The following CES1 variants were observed in gnomAD, a reference collection of about 807,000 sequenced individuals.
The protein encoded by CES1 is liver carboxylesterase 1.
In CES1, 50 loss-of-function variants were observed where a neutral mutation model predicts 53.0. The observed-to-expected ratio is 0.94, with a 90% CI of 0.75 to 1.19. The LOEUF (loss-of-function observed/expected upper bound fraction) is 1.19, where lower values mean the gene tolerates loss of function less well. CES1 is among the 50% of genes most tolerant of loss of function. The pLI, the probability that CES1 is intolerant of heterozygous loss-of-function variation, is 0.00. For missense variants in CES1, 534 were observed against 538.0 expected (o/e 0.99, Z 0.07); for synonymous variants, 202 against 210.1 (o/e 0.96, Z 0.33).
chr16:55,819,594 T>A lies in CES1; in HGVS notation c.847A>T (p.Met283Leu). The change falls in exon 7 of 14, where the codon ATG becomes TTG. Residue 283 changes from methionine (M) to leucine (L), a missense_variant. Physicochemically the swap from Met to Leu is conservative, Grantham distance 15 (BLOSUM62 2). This residue lies in a region of CES1 where 269 missense variants were observed against 206.6 expected (regional missense o/e 1.30). Transcript: ENST00000360526. ...GTCTTCTGTCGCAGGCAGTGAACCA[T>A]GACAGCAGAGGTGGTGGTTTTGCAC... ...AGCKTTTSAV[M>L]VHCLRQKTEE... 2 of 1,614,146 alleles carry A rather than the reference T, an allele frequency of 1.2e-6. No individual in the cohort carries two copies. Among genetic ancestry groups the A allele is most frequent in the Non-Finnish European group, 1.7e-6 (2 of 1,180,020 alleles).
At chr16:55,829,332 G>A (rs2032550252) in intron 1 of CES1, among the ~76,000 whole-genome samples, 1 of 152,244 alleles carries the variant, frequency 6.6e-6, no homozygotes, top group Non-Finnish European at 1.5e-5. Flanking sequence ...TGAAAAAGGG[G>A]TGTCCCATAT....
intron 4 of CES1, 76 bp from the exon 5 acceptor site, chr16:55,821,597 G>C (rs2032201480): frequency 6.6e-7 from 1 of 1,523,410 alleles, no homozygotes; most frequent in Non-Finnish European, 9.1e-7. Flanking sequence ...GATGGGGCTA[G>C]GGGTTCTCAG....
chr16:55,811,917 A>G (rs1163919179), intron 9 of CES1, among the ~76,000 whole-genome samples: 1 of 152,208 alleles, frequency 6.6e-6, no homozygotes, highest in Non-Finnish European at 1.5e-5. Flanking sequence ...GGTCTAATGC[A>G]TGGCTTCCTG....
At chr16:55,824,435 T>C (rs1329675456) in intron 3 of CES1, among the ~76,000 whole-genome samples, 3 of 152,182 alleles carry the variant, frequency 2.0e-5, no homozygotes, top group Admixed American at 6.5e-5. Flanking sequence ...ATTCATGAAA[T>C]ATAAAAGAAC....
chr16:55,831,674 G>T (rs2032681236), intron 1 of CES1, among the ~76,000 whole-genome samples: 1 of 148,156 alleles, frequency 6.7e-6, no homozygotes, highest in Non-Finnish European at 1.5e-5. Flanking sequence ...CAGAGGTAAA[G>T]GAACATTCAG....
intron 4 of CES1, among the ~76,000 whole-genome samples, chr16:55,822,426 T>C (rs370560572): frequency 1.3e-5 from 2 of 152,154 alleles, no homozygotes; most frequent in South Asian, 4.1e-4. Context: ...AAAGAGACAG[T>C]CCGGGCTGTC....
Position 55,810,652 on chromosome 16 carries a change from C to A in CES1, c.1183G>T (p.Glu395Ter). The A allele has an allele frequency of 1.2e-6, 2 of 1,614,166 alleles. No homozygotes were observed. Among genetic ancestry groups the A allele is most frequent in the South Asian group, 2.2e-5 (2 of 91,090 alleles). Residue 395 changes from glutamate to a stop codon, truncating the protein, a stop_gained, in exon 11 of 14, where the codon GAA becomes TAA. Coordinates refer to ENST00000360526, the MANE Select transcript of CES1 (RefSeq NM_001025195.2). LOFTEE classifies it high-confidence loss of function. The stretch of plus-strand genomic sequence containing the variant: ...TTCTCAGTGGCTTCTGGAATCAGTT[C>A]CTTAGCAATGCACTGAAATAGATCA... ...KSYPLVCIAK[E>*]LIPEATEKYL...
intron 4 of CES1, 27 bp downstream of exon 4, chr16:55,823,523 T>C (rs769028949): frequency 8.1e-6 from 13 of 1,610,154 alleles, no homozygotes; most frequent in Non-Finnish European, 1.0e-5. Flanking sequence ...GGGGCCAAAG[T>C]GCAGTGAGGA....
chr16:55,825,295 C>A (rs2032374591), intron 3 of CES1, among the ~76,000 whole-genome samples: 1 of 152,224 alleles, frequency 6.6e-6, no homozygotes, highest in Non-Finnish European at 1.5e-5. Context: ...ACCTGCTCCC[C>A]CACTCCTAGG....
At chr16:55,832,902 C>A in intron 1 of CES1, 102 bp downstream of exon 1, 1 of 1,090,440 alleles carries the variant, frequency 9.2e-7, no homozygotes, top group Non-Finnish European at 1.4e-6. Context: ...CGCCGCAGAG[C>A]CGGACCTGTT....
intron 9 of CES1, among the ~76,000 whole-genome samples, chr16:55,811,424 A>G (rs1310910013): frequency 1.3e-5 from 2 of 152,088 alleles, no homozygotes; most frequent in African/African-American, 4.8e-5. Context: ...GTCACAGATG[A>G]CACTGAAATC....
chr16:55,832,377 A>T (rs1335708780), intron 1 of CES1, among the ~76,000 whole-genome samples: 1 of 152,164 alleles, frequency 6.6e-6, no homozygotes, highest in African/African-American at 2.4e-5. Context: ...CACAGCTCAA[A>T]TTTTCTATTC....
chr16:55,817,283 C>A (rs559015944), intron 7 of CES1, among the ~76,000 whole-genome samples: 13 of 152,214 alleles, frequency 8.5e-5, no homozygotes, highest in Non-Finnish European at 1.6e-4. Flanking sequence ...AAGAGTGAAG[C>A]CAACACAGAG....
At chr16:55,830,920 G>A (rs1276231054) in intron 1 of CES1, among the ~76,000 whole-genome samples, 1 of 152,150 alleles carries the variant, frequency 6.6e-6, no homozygotes, top group Non-Finnish European at 1.5e-5. Flanking sequence ...AGAGGTGGGG[G>A]AAATGGAAGG....
chr16:55,814,612 T>C (rs1206793329), intron 8 of CES1, among the ~76,000 whole-genome samples: 1 of 152,246 alleles, frequency 6.6e-6, no homozygotes, highest in Non-Finnish European at 1.5e-5. Context: ...TATTACTTGT[T>C]AGCAAGGTTG....
intron 7 of CES1, among the ~76,000 whole-genome samples, chr16:55,818,313 T>A (rs1597076881): frequency 6.6e-6 from 1 of 152,230 alleles, no homozygotes. Context: ...TATGTGAGGA[T>A]GGCAGGGAGC....
At position 55,812,164 on chromosome 16, in the gene CES1, G is replaced by T. The variant is rs554976679; in HGVS notation, c.1086+739C>A. Among the ~76,000 whole-genome samples, 4 of 152,306 alleles carry T rather than the reference G, an allele frequency of 2.6e-5. No homozygotes were observed. The East Asian group carries it at 7.7e-4, about 29-fold the overall frequency. On this transcript the variant is annotated intron_variant, in intron 9 of 13. Coordinates refer to ENST00000360526, the MANE Select transcript of CES1 (RefSeq NM_001025195.2). Reference sequence around the variant, plus strand: ...AATCTGTCCTACTGCTTTAACCAGGGTCAGTTTTGTTTATCTTCAACTGGA... The same window carrying T: ...AATCTGTCCTACTGCTTTAACCAGGTTCAGTTTTGTTTATCTTCAACTGGA...
chr16:55,821,396 G>C lies in CES1; in HGVS notation c.665C>G (p.Ser222Ter). ...AACAGAGACACTTTCTCCTCCCGCT[G>C]ACTCTCCAAAGATGGTCACAGAGCC... The part of the protein sequence containing the change: ...NPGSVTIFGE[S>*]AGGESVSVLV... Residue 222 changes from serine (S) to a stop codon, truncating the protein, a stop_gained, in exon 5 of 14, where the codon TCA becomes TGA. Transcript: ENST00000360526. LOFTEE classifies it high-confidence loss of function. 1.2e-6 allele frequency: 2 copies of C among 1,614,224 alleles called. No individual in the cohort carries two copies. The highest frequency in any genetic ancestry group is 1.7e-6 in the Non-Finnish European group (2 of 1,180,048).
chr16:55,828,130 T>C lies in CES1; in HGVS notation c.260+637A>G, dbSNP rs1326914210. ...CTGCTGAGATGAGCAGGGTCTGCTC[T>C]GATGTCTGTAGGGTCCTTCCTACCC... On this transcript the variant is annotated intron_variant, in intron 2 of 13. Coordinates refer to ENST00000360526, the MANE Select transcript of CES1 (RefSeq NM_001025195.2). 5 of 162,288 alleles carry C rather than the reference T, an allele frequency of 3.1e-5. No individual in the cohort carries two copies. In the East Asian group the frequency reaches 5.0e-4, roughly 16 times the overall value. 10.1% of individuals were successfully genotyped at this position (162,288 alleles called of 1,614,324 possible).
Sources: allele counts gnomAD v4.1 joint callset (sites outside exome capture counted in the v4.1 genomes callset), GRCh38; gene constraint gnomAD v4.1.1; regional missense constraint gnomAD v4.1.1; transcripts MANE v1.5; gene names NCBI Gene and HGNC (gene_info 2026-07-23, HGNC 2026-07-21).